Variants in DPP6 observed in about 807,000 individuals in gnomAD.
The protein encoded by DPP6 is A-type potassium channel modulatory protein DPP6.
In DPP6, 69 loss-of-function variants were observed where a neutral mutation model predicts 122.6. The ratio of observed to expected loss-of-function variants is 0.56; its 90% CI spans 0.46 to 0.69. DPP6 has a LOEUF of 0.69. Among genes scored for constraint, DPP6 ranks in the 30% least tolerant of loss-of-function variants. The pLI is 0.00. For missense variants in DPP6, 928 were observed against 1,116.9 expected (o/e 0.83, Z 2.41); for synonymous variants, 418 against 433.1 (o/e 0.97, Z 0.43).
chr7:154,144,459 G>A (rs892842581), intron 1 of DPP6, among the ~76,000 whole-genome samples: 3 of 152,198 alleles, frequency 2.0e-5, no homozygotes, highest in African/African-American at 7.2e-5. Flanking sequence ...TGGGATCTCT[G>A]TGAATTCAGT....
chr7:154,314,975 A>G (rs1807308725), intron 1 of DPP6, among the ~76,000 whole-genome samples: 1 of 152,224 alleles, frequency 6.6e-6, no homozygotes, highest in Non-Finnish European at 1.5e-5. Context: ...TCTCATGGAC[A>G]AACACAGCCA....
rs568187299 is a variant in DPP6, at chr7:154,306,185, C to T, written c.244-140029C>T. 3.9e-5 allele frequency among the ~76,000 whole-genome samples: 6 copies of T among 152,216 alleles called. No homozygotes were observed. The South Asian group carries it at 6.2e-4, about 16-fold the overall frequency. ...GCAGGTTTAAAGGGCTGACCGCGGA[C>T]GGGGAAGGCTGCGTGGGTCCCACAT... On this transcript the variant is annotated intron_variant, in intron 1 of 25. Transcript: ENST00000377770.
At chr7:154,766,725 G>A (rs2131537518) in intron 8 of DPP6, among the ~76,000 whole-genome samples, 1 of 152,334 alleles carries the variant, frequency 6.6e-6, no homozygotes, top group South Asian at 2.1e-4. Flanking sequence ...TGGAAATAGA[G>A]TATTCTCAGC....
the DPP6 span, among the ~76,000 whole-genome samples, chr7:153,832,041 T>C: frequency 6.6e-6 from 1 of 152,172 alleles, no homozygotes; most frequent in Non-Finnish European, 1.5e-5. Flanking sequence ...TCTAAGAGGC[T>C]ACAGGTGACA....
intron 3 of DPP6, among the ~76,000 whole-genome samples, chr7:154,513,418 T>G (rs1183295418): frequency 6.6e-6 from 1 of 151,682 alleles, no homozygotes; most frequent in African/African-American, 2.4e-5. Flanking sequence ...GTTGGTTTGT[T>G]TTTTAATGTG....
intron 1 of DPP6, among the ~76,000 whole-genome samples, chr7:153,950,806 A>G (rs1372293247): frequency 6.6e-6 from 1 of 152,242 alleles, no homozygotes. Context: ...GGCAAGGAAC[A>G]TATCGGTGGT....
intron 18 of DPP6, among the ~76,000 whole-genome samples, chr7:154,869,832 C>T (rs1433593663): frequency 7.4e-6 from 1 of 134,836 alleles, no homozygotes; most frequent in Non-Finnish European, 1.6e-5. Context: ...CAGATCCGCT[C>T]CCGCCCCCAC....
At chr7:154,765,957 C>G (rs1034435016) in intron 8 of DPP6, among the ~76,000 whole-genome samples, 3 of 152,198 alleles carry the variant, frequency 2.0e-5, no homozygotes, top group Admixed American at 2.0e-4. Flanking sequence ...AGCTGGAATC[C>G]TGCAGAAAAA....
At chr7:154,149,745 C>T (rs6464386) in intron 1 of DPP6, among the ~76,000 whole-genome samples, 93,978 of 149,888 alleles carry the variant, frequency 0.63, 29,593 homozygotes, top group African/African-American at 0.76. Flanking sequence ...AGGGGAAGTT[C>T]TGGGATGAAG....
At chr7:154,089,887 C>T (rs1330822880) in intron 1 of DPP6, among the ~76,000 whole-genome samples, 1 of 152,188 alleles carries the variant, frequency 6.6e-6, no homozygotes, top group Non-Finnish European at 1.5e-5. Flanking sequence ...TGAGAATCAC[C>T]GTTCTTGGAG....
At chr7:154,689,583 T>G (rs1839822835) in intron 7 of DPP6, among the ~76,000 whole-genome samples, 1 of 152,164 alleles carries the variant, frequency 6.6e-6, no homozygotes, top group South Asian at 2.1e-4. Flanking sequence ...TCTTTAGGAT[T>G]TTTGCGTCTG....
At chr7:153,769,040 A>G in the DPP6 span, among the ~76,000 whole-genome samples, 1 of 152,214 alleles carries the variant, frequency 6.6e-6, no homozygotes, top group African/African-American at 2.4e-5. Context: ...GAATGGTACC[A>G]TACAGTAGAA....
intron 1 of DPP6, among the ~76,000 whole-genome samples, chr7:154,350,339 A>G (rs1342346964): frequency 6.6e-6 from 1 of 152,208 alleles, no homozygotes; most frequent in East Asian, 1.9e-4. Flanking sequence ...GTGGTCTTCC[A>G]TTCATGACTT....
chr7:153,983,070 C>T (rs1385329304), intron 1 of DPP6, among the ~76,000 whole-genome samples: 7 of 152,320 alleles, frequency 4.6e-5, no homozygotes, highest in East Asian at 1.9e-4. Flanking sequence ...AGAGCTTGAG[C>T]GCTGTGCTGG....
chr7:154,056,147 A>G (rs973633651), intron 1 of DPP6, among the ~76,000 whole-genome samples: 2 of 152,218 alleles, frequency 1.3e-5, no homozygotes, highest in Admixed American at 1.3e-4. Flanking sequence ...GGACTTCCCA[A>G]CTGTGTGGCT....
intron 1 of DPP6, among the ~76,000 whole-genome samples, chr7:154,273,553 G>A (rs1803934034): frequency 6.6e-6 from 1 of 152,166 alleles, no homozygotes; most frequent in Admixed American, 6.5e-5. Flanking sequence ...GTTATTTTCT[G>A]TGTAACAATG....
In DPP6 at chr7:154,631,948, C is replaced by A. The variant is rs1451209875; in HGVS notation, c.628-5873C>A. 2.0e-5 allele frequency among the ~76,000 whole-genome samples: 3 copies of A among 152,120 alleles called. No homozygotes were observed. The East Asian group carries it at 5.8e-4, about 29-fold the overall frequency. On this transcript the variant is annotated intron_variant, in intron 5 of 25. Transcript: ENST00000377770. ...ATTTAAAGCTTAATTAAGCAGTGAA[C>A]AATTTGCAAATTGGGCAGCCTCCTG... is the stretch of plus-strand genomic sequence containing the variant.
intron 1 of DPP6, among the ~76,000 whole-genome samples, chr7:154,439,508 A>T (rs1563673550): frequency 6.6e-6 from 1 of 152,228 alleles, no homozygotes; most frequent in African/African-American, 2.4e-5. Flanking sequence ...ACCAAAGTAG[A>T]CTGAGCCCAG....
chr7:154,459,910 C>T (rs192146970), intron 2 of DPP6, among the ~76,000 whole-genome samples: 2 of 150,510 alleles, frequency 1.3e-5, no homozygotes, highest in African/African-American at 4.9e-5. Flanking sequence ...GTTCTACAAC[C>T]AGTCCCTAGA....
Sources: allele counts gnomAD v4.1 joint callset (sites outside exome capture counted in the v4.1 genomes callset), GRCh38; gene constraint gnomAD v4.1.1; transcripts MANE v1.5; gene names NCBI Gene and HGNC (gene_info 2026-07-23, HGNC 2026-07-21).